The following DYSF variants were observed in gnomAD, a reference collection of about 807,000 sequenced individuals.
DYSF encodes the protein dystrophy-associated fer-1-like 1.
A neutral mutation model predicts 274.9 loss-of-function variants in DYSF; 212 were observed. The observed-to-expected ratio is 0.77, with a 90% CI of 0.69 to 0.86. The LOEUF (loss-of-function observed/expected upper bound fraction) is 0.86. DYSF is among the 40% of genes least tolerant of loss of function. DYSF has a pLI of 0.00. For synonymous variants in DYSF, 1,091 were observed against 1,078.7 expected (o/e 1.01, Z -0.22); for missense variants, 2,666 against 2,783.2 (o/e 0.96, Z 0.95).
intron 42 of DYSF, among the ~76,000 whole-genome samples, chr2:71,646,879 T>G (rs2094575232): frequency 6.6e-6 from 1 of 152,118 alleles, no homozygotes; most frequent in African/African-American, 2.4e-5. Flanking sequence ...AATAAAGATT[T>G]TGGAAAACAA....
chr2:71,515,526 TGAGATGGTCCCTGA>T, intron 7 of DYSF, 83 bp from the exon 8 acceptor site: 1 of 1,542,108 alleles, frequency 6.5e-7, no homozygotes, highest in Non-Finnish European at 9.0e-7. Flanking sequence ...AAGCCAGTGG[TGAGATGGTCCCTGA>T]GATTTCTGAC....
chr2:71,513,582 GGAGGGAGAGGAA>G, intron 6 of DYSF, 122 bp from the exon 7 acceptor site: 1 of 942,980 alleles, frequency 1.1e-6, no homozygotes, highest in Non-Finnish European at 1.6e-6. Flanking sequence ...TGGGGAGGGA[GGAGGGAGAGGAA>G]GAGGGGATGA....
At chr2:71,486,108 G>C (rs2083338715) in intron 3 of DYSF, among the ~76,000 whole-genome samples, 1 of 151,930 alleles carries the variant, frequency 6.6e-6, no homozygotes. Context: ...TCTCCAGTTG[G>C]TGGGTTCCAG....
chr2:71,549,381 A>T lies in DYSF; in HGVS notation c.1577-1660A>T, dbSNP rs149066183. The T allele has an allele frequency of 3.3e-5, 53 of 1,612,502 alleles. No individual in the cohort carries two copies. In the African/African-American group the frequency reaches 5.9e-4, roughly 18 times the overall value. ...CTGCAGGTGCTGTCAAGCCTTCGAAAGCCTCAGACTGTACGTTGCTGTCAC... is the reference window on the plus strand; with the variant it reads ...CTGCAGGTGCTGTCAAGCCTTCGAATGCCTCAGACTGTACGTTGCTGTCAC... On this transcript the variant is annotated intron_variant, in intron 17 of 55. Coordinates refer to ENST00000410020, the MANE Select transcript of DYSF (RefSeq NM_001130987.2).
intron 13 of DYSF, 72 bp downstream of exon 13, chr2:71,526,418 T>TGGGGGGGGGTGGGGTTG: frequency 3.8e-6 from 1 of 261,500 alleles, no homozygotes; most frequent in Non-Finnish European, 7.0e-6. Context: ...GGGTGGGCGA[T>TGGGGGGGGGTGGGGTTG]GGCGGGCGGG....
chr2:71,461,511 G>A (rs1260648462), intron 1 of DYSF, among the ~76,000 whole-genome samples: 2 of 152,218 alleles, frequency 1.3e-5, no homozygotes, highest in Non-Finnish European at 2.9e-5. Context: ...CTTGCCCTTT[G>A]GCCCGAGGAA....
intron 47 of DYSF, 74 bp downstream of exon 47, chr2:71,665,378 A>C: frequency 5.0e-6 from 8 of 1,595,842 alleles, no homozygotes; most frequent in Non-Finnish European, 6.9e-6. Flanking sequence ...ACCCTCTGCT[A>C]CCATAAAAGA....
chr2:71,553,105 G>T lies in DYSF; in HGVS notation c.1901G>T (p.Ser634Ile). The change falls in exon 20 of 56, where the codon AGC becomes ATC. Residue 634 changes from serine to isoleucine, a missense_variant. This residue lies in a region of DYSF where 412 missense variants were observed against 504.0 expected (regional missense o/e 0.82). Coordinates refer to ENST00000410020, the MANE Select transcript of DYSF (RefSeq NM_001130987.2). ...GATGATGCCATCCAGTTTGAGGTCAGCATCGGGAACTACGGGAACAAGTTC... is the reference window on the plus strand; with the variant it reads ...GATGATGCCATCCAGTTTGAGGTCATCATCGGGAACTACGGGAACAAGTTC... ...DVDDAIQFEV[S>I]IGNYGNKFDM... 1.2e-6 allele frequency: 2 copies of T among 1,614,188 alleles called. No individual in the cohort carries two copies. The highest frequency in any genetic ancestry group is 1.7e-6 in the Non-Finnish European group (2 of 1,180,040).
intron 35 of DYSF, 56 bp from the exon 36 acceptor site, chr2:71,602,720 C>T (rs1233124579): frequency 1.9e-6 from 3 of 1,593,420 alleles, no homozygotes; most frequent in African/African-American, 2.7e-5. Context: ...ACTTTTTCCC[C>T]TTCCAACCCC....
chr2:71,601,554 C>T, intron 35 of DYSF, 26 bp downstream of exon 35: 1 of 1,614,062 alleles, frequency 6.2e-7, no homozygotes, highest in Non-Finnish European at 8.5e-7. Context: ...ACCTTTCCTT[C>T]TTCAAACTGA....
Position 71,686,468 on chromosome 2 carries a change from GA to G in DYSF, c.6338del (p.Lys2113SerfsTer3). The G allele has an allele frequency of 6.2e-7, 1 of 1,614,158 alleles. No homozygotes were observed. The highest frequency in any genetic ancestry group is 8.5e-7 in the Non-Finnish European group (1 of 1,180,014). ...IYAFPNYAAM[K>X]LVKPFS is the part of the protein sequence containing the mutation. Reference sequence around the variant, plus strand: ...CCTCCCTCCAGAACTATGCTGCCATGAAGCTGGTGAAGCCCTTCAGCTGAGG... The same window carrying G: ...CCTCCCTCCAGAACTATGCTGCCATGAGCTGGTGAAGCCCTTCAGCTGAGG... On this transcript the variant is annotated frameshift_variant, in exon 56 of 56. Transcript: ENST00000410020. LOFTEE classifies it high-confidence loss of function.
Position 71,569,805 on chromosome 2 carries a change from A to G in DYSF, c.2865-15A>G, listed in dbSNP as rs1399234678. On this transcript the variant is annotated splice_polypyrimidine_tract_variant and intron_variant, in intron 26 of 55. Transcript: ENST00000410020. ...CAGCAGAGCAGCAGAGACTCTGACC[A>G]GCCCTCCTCCACAGTCTGCTCCATG... 1 of 1,609,976 alleles carries G rather than the reference A, an allele frequency of 6.2e-7. No individual in the cohort carries two copies. The highest frequency in any genetic ancestry group is 8.5e-7 in the Non-Finnish European group (1 of 1,177,004).
rs1477070599 is a variant in DYSF, at chr2:71,453,721, G to C, written c.-278G>C. 207 of 515,622 alleles carry C rather than the reference G, an allele frequency of 4.0e-4. 4 individuals are homozygous for C. In the East Asian group the frequency reaches 7.0e-3, roughly 17 times the overall value. 31.9% of individuals were successfully genotyped at this position (515,622 alleles called of 1,614,324 possible). ...TCGACGGAGCTCGGGAAGGGCGGCG[G>C]GGGTGGAAGATGAGCAGAAGCCCCT... is the stretch of plus-strand genomic sequence containing the variant. On this transcript the variant is annotated 5_prime_UTR_variant, in exon 1 of 55. Coordinates refer to the DYSF transcript ENST00000258104.
At chr2:71,498,552 T>G (rs917369179) in intron 3 of DYSF, among the ~76,000 whole-genome samples, 10 of 152,202 alleles carry the variant, frequency 6.6e-5, no homozygotes, top group Non-Finnish European at 1.2e-4. Flanking sequence ...TAGGAGCAAC[T>G]GGGGAGGCTC....
intron 10 of DYSF, among the ~76,000 whole-genome samples, chr2:71,518,056 A>G (rs901787417): frequency 2.6e-5 from 4 of 151,964 alleles, no homozygotes; most frequent in African/African-American, 9.7e-5. Context: ...TCACCCTGGG[A>G]TGGGAGTGGG....
intron 34 of DYSF, 26 bp downstream of exon 34, chr2:71,600,868 AG>A (rs1191542098): frequency 1.2e-6 from 2 of 1,605,184 alleles, no homozygotes; most frequent in African/African-American, 2.7e-5. Context: ...ATCCAGATCC[AG>A]GAGGCCCAGG....
At chr2:71,528,715 G>A (rs1254561987) in intron 14 of DYSF, among the ~76,000 whole-genome samples, 2 of 152,216 alleles carry the variant, frequency 1.3e-5, no homozygotes, top group Non-Finnish European at 2.9e-5. Context: ...ATGGAAACCA[G>A]ACATGAAGGC....
chr2:71,638,534 C>G (rs1347737818), intron 41 of DYSF, among the ~76,000 whole-genome samples: 2 of 152,118 alleles, frequency 1.3e-5, no homozygotes, highest in Non-Finnish European at 1.5e-5. Flanking sequence ...TTTTTTGTTT[C>G]TATATATTTG....
chr2:71,462,596 G>A (rs776346225), upstream of DYSF, among the ~76,000 whole-genome samples: 22 of 152,194 alleles, frequency 1.4e-4, no homozygotes, highest in Non-Finnish European at 2.8e-4. Context: ...GGAAGAATAG[G>A]TACACAGACA....
Sources: allele counts gnomAD v4.1 joint callset (sites outside exome capture counted in the v4.1 genomes callset), GRCh38; gene constraint gnomAD v4.1.1; regional missense constraint gnomAD v4.1.1; transcripts MANE v1.5; gene names NCBI Gene and HGNC (gene_info 2026-07-23, HGNC 2026-07-21).